The following CEP112 variants were observed in gnomAD, a reference collection of about 807,000 sequenced individuals.
CEP112 encodes centrosomal protein of 112 kDa.
Under a neutral mutation model 153.0 loss-of-function variants are expected in CEP112, and 127 were observed. The ratio of observed to expected loss-of-function variants is 0.83; its 90% CI spans 0.72 to 0.96. The LOEUF is 0.96. Among genes scored for constraint, CEP112 ranks in the 40% least tolerant of loss-of-function variants. The probability of loss-of-function intolerance (pLI) is 0.00; values close to 1 mark genes in which losing one functional copy is unlikely to be tolerated. For missense variants in CEP112, 1,089 were observed against 1,101.2 expected (o/e 0.99, Z 0.16); for synonymous variants, 358 against 374.4 (o/e 0.96, Z 0.51).
At chr17:65,692,404 T>C (rs1011034494) in intron 23 of CEP112, among the ~76,000 whole-genome samples, 1 of 152,014 alleles carries the variant, frequency 6.6e-6, no homozygotes, top group Non-Finnish European at 1.5e-5. Context: ...ATTTTTTATA[T>C]TTTTAGTAGA....
chr17:65,837,502 C>A (rs1428138713), intron 21 of CEP112, among the ~76,000 whole-genome samples: 1 of 151,930 alleles, frequency 6.6e-6, no homozygotes, highest in Non-Finnish European at 1.5e-5. Flanking sequence ...GCCACCCCGT[C>A]TGGGAGGTGA....
chr17:66,039,847 G>A (rs2065896343), intron 12 of CEP112, among the ~76,000 whole-genome samples: 1 of 152,060 alleles, frequency 6.6e-6, no homozygotes, highest in Non-Finnish European at 1.5e-5. Context: ...GTAACTTTTT[G>A]GGGTCAGGCT....
At chr17:65,883,298 T>C (rs1226657785) in intron 20 of CEP112, among the ~76,000 whole-genome samples, 1 of 151,220 alleles carries the variant, frequency 6.6e-6, no homozygotes. Flanking sequence ...TATATATATA[T>C]ACACACACAC....
At chr17:66,021,412 GA>G (rs1437324458) in intron 16 of CEP112, among the ~76,000 whole-genome samples, 1 of 152,192 alleles carries the variant, frequency 6.6e-6, no homozygotes, top group African/African-American at 2.4e-5. Context: ...GAAATAGGAG[GA>G]GAGTTGCTGA....
intron 21 of CEP112, among the ~76,000 whole-genome samples, chr17:65,830,759 C>T (rs1160750208): frequency 6.6e-6 from 1 of 152,132 alleles, no homozygotes; most frequent in Non-Finnish European, 1.5e-5. Context: ...AGTTCTGGTG[C>T]CTGCTTAAGT....
intron 17 of CEP112, among the ~76,000 whole-genome samples, chr17:65,982,752 T>C (rs960695959): frequency 6.6e-6 from 1 of 152,180 alleles, no homozygotes; most frequent in Non-Finnish European, 1.5e-5. Context: ...AAGCGAGTAA[T>C]TATACATAAA....
At chr17:65,862,856 T>C (rs1361075831) in intron 20 of CEP112, among the ~76,000 whole-genome samples, 1 of 152,178 alleles carries the variant, frequency 6.6e-6, no homozygotes, top group Non-Finnish European at 1.5e-5. Flanking sequence ...GAAATGCACA[T>C]AGCCCAACAA....
chr17:65,949,422 G>A (rs548515758), intron 18 of CEP112, among the ~76,000 whole-genome samples: 1 of 152,184 alleles, frequency 6.6e-6, no homozygotes, highest in East Asian at 1.9e-4. Context: ...ATTAGTTTTC[G>A]AGGAGTCCGA....
At chr17:65,911,966 C>T (rs1240732931) in intron 19 of CEP112, among the ~76,000 whole-genome samples, 1 of 152,094 alleles carries the variant, frequency 6.6e-6, no homozygotes, top group Admixed American at 6.5e-5. Context: ...TAGCTCCCTT[C>T]GGGGGGAATA....
intron 6 of CEP112, among the ~76,000 whole-genome samples, chr17:66,124,574 A>T (rs938646835): frequency 2.6e-5 from 4 of 152,100 alleles, no homozygotes; most frequent in Non-Finnish European, 2.9e-5. Flanking sequence ...GAAAGAAAAA[A>T]AAAAATCCCC....
intron 19 of CEP112, among the ~76,000 whole-genome samples, chr17:65,917,539 T>C (rs1197479906): frequency 6.6e-6 from 1 of 152,180 alleles, no homozygotes; most frequent in East Asian, 1.9e-4. Context: ...CAAATAATTT[T>C]AAACAATTCC....
intron 24 of CEP112, chr17:65,644,231 G>A (rs1439079618): frequency 3.1e-6 from 2 of 644,138 alleles, no homozygotes; most frequent in African/African-American, 1.8e-5. Flanking sequence ...GGGAACTGGG[G>A]CATGAACTGT....
intron 4 of CEP112, among the ~76,000 whole-genome samples, chr17:66,154,511 T>C (rs2071352660): frequency 6.6e-6 from 1 of 152,060 alleles, no homozygotes. Flanking sequence ...CGAGACTCTG[T>C]GTAGAAAAAA....
intron 23 of CEP112, among the ~76,000 whole-genome samples, chr17:65,741,759 A>G: frequency 6.6e-6 from 1 of 152,038 alleles, no homozygotes; most frequent in East Asian, 1.9e-4. Flanking sequence ...ACAGAAATGC[A>G]CTTAATATTT....
At chr17:65,973,667 A>T in intron 17 of CEP112, among the ~76,000 whole-genome samples, 1 of 152,204 alleles carries the variant, frequency 6.6e-6, no homozygotes, top group East Asian at 1.9e-4. Context: ...CCATTTATCT[A>T]AAATTCTGGA....
intron 4 of CEP112, among the ~76,000 whole-genome samples, chr17:66,172,730 CCTG>C (rs2072297768): frequency 6.6e-6 from 1 of 152,196 alleles, no homozygotes; most frequent in Non-Finnish European, 1.5e-5. Flanking sequence ...CTTATACACA[CCTG>C]AATCCTTGCA....
chr17:66,016,114 T>A (rs1598115333), intron 16 of CEP112, among the ~76,000 whole-genome samples: 1 of 152,336 alleles, frequency 6.6e-6, no homozygotes, highest in Middle Eastern at 3.4e-3. Flanking sequence ...TTCCTTATGG[T>A]GTCTGTTCCT....
intron 20 of CEP112, among the ~76,000 whole-genome samples, chr17:65,860,194 T>G (rs1206615080): frequency 6.6e-6 from 1 of 151,284 alleles, no homozygotes; most frequent in Non-Finnish European, 1.5e-5. Flanking sequence ...TTATAAACAT[T>G]TACAGCTATG....
At chr17:65,867,941 A>G (rs11436398) in intron 20 of CEP112, among the ~76,000 whole-genome samples, 4 of 116,862 alleles carry the variant, frequency 3.4e-5, no homozygotes, top group South Asian at 2.8e-4. Context: ...GTTGAAGGGG[A>G]AAAAAAACCC....
Sources: gnomAD v4.1 joint callset for allele counts (sites outside exome capture counted in the v4.1 genomes callset) on GRCh38, gnomAD v4.1.1 for gene constraint, MANE v1.5 for transcripts, NCBI Gene and HGNC (gene_info 2026-07-23, HGNC 2026-07-21) for gene names.